Variants in HHAT observed in about 807,000 individuals in gnomAD.
HHAT encodes the protein hedgehog acyltransferase, also known as protein-cysteine N-palmitoyltransferase HHAT.
Under a neutral mutation model 70.8 loss-of-function variants are expected in HHAT, and 47 were observed. The ratio of observed to expected loss-of-function variants is 0.66; its 90% CI spans 0.53 to 0.85. The LOEUF (loss-of-function observed/expected upper bound fraction) is 0.85, where lower values mean the gene tolerates loss of function less well. Among genes scored for constraint, HHAT ranks in the 40% least tolerant of loss-of-function variants. The pLI is 0.00. For synonymous variants in HHAT, 228 were observed against 247.6 expected, an observed-to-expected ratio of 0.92 and a Z score of 0.74; for missense variants, 609 against 604.8, an observed-to-expected ratio of 1.01 and a Z score of -0.07.
intron 5 of HHAT, among the ~76,000 whole-genome samples, chr1:210,403,942 T>G (rs1034084013): frequency 2.1e-4 from 32 of 152,186 alleles, no homozygotes; most frequent in Admixed American, 6.5e-4. Context: ...TTTTTTTTTT[T>G]TTTTTTAAAT....
intron 9 of HHAT, among the ~76,000 whole-genome samples, chr1:210,543,160 T>TA (rs1326201173): frequency 3.9e-5 from 6 of 152,156 alleles, no homozygotes; most frequent in African/African-American, 1.4e-4. Flanking sequence ...GAATAGCCTT[T>TA]AAAAAAGCAG....
intron 3 of HHAT, among the ~76,000 whole-genome samples, chr1:210,380,515 G>A (rs1374522806): frequency 6.6e-6 from 1 of 152,064 alleles, no homozygotes. Context: ...ACTCCAGCCT[G>A]GGCGACAGAG....
chr1:210,544,939 C>T (rs2095470009), intron 9 of HHAT, among the ~76,000 whole-genome samples: 1 of 152,152 alleles, frequency 6.6e-6, no homozygotes, highest in African/African-American at 2.4e-5. Flanking sequence ...ATACCTATGT[C>T]TCCCAAATGT....
intron 9 of HHAT, among the ~76,000 whole-genome samples, chr1:210,543,004 C>A (rs2095445996): frequency 6.6e-6 from 1 of 152,058 alleles, no homozygotes; most frequent in Admixed American, 6.5e-5. Flanking sequence ...CACAGACAGG[C>A]ATCATGGGGA....
At chr1:210,633,892 C>A (rs1671360610) in intron 11 of HHAT, among the ~76,000 whole-genome samples, 1 of 152,130 alleles carries the variant, frequency 6.6e-6, no homozygotes, top group South Asian at 2.1e-4. Flanking sequence ...TTGTAGCGTG[C>A]CAGCTGCTGA....
intron 7 of HHAT, among the ~76,000 whole-genome samples, chr1:210,449,164 G>T (rs968171388): frequency 6.6e-6 from 1 of 152,072 alleles, no homozygotes; most frequent in Admixed American, 6.5e-5. Context: ...GACCTCCCGG[G>T]TCCCTCTGCC....
At chr1:210,412,102 T>C (rs1417281571) in intron 6 of HHAT, among the ~76,000 whole-genome samples, 1 of 152,158 alleles carries the variant, frequency 6.6e-6, no homozygotes, top group Non-Finnish European at 1.5e-5. Context: ...GGTCTAACTC[T>C]TTGGCGTCTC....
In HHAT at chr1:210,328,997, C is replaced by G; in HGVS notation, c.-151C>G. ...AAGAGGGTGGCGTCCCGGGGAAGCC[C>G]GCAGCCGCCGCCGATGTCGCTGGGA... On this transcript the variant is annotated 5_prime_UTR_variant, in exon 1 of 12. Transcript: ENST00000261458. 7.3e-7 allele frequency: 1 copy of G among 1,372,988 alleles called. No individual in the cohort carries two copies. Among genetic ancestry groups the G allele is most frequent in the Non-Finnish European group, 9.4e-7 (1 of 1,061,790 alleles). 85.1% of individuals were successfully genotyped at this position (1,372,988 alleles called of 1,614,324 possible). A position where few individuals can be genotyped will look rare whatever the true frequency, so the allele number is the denominator to read the frequency against.
At chr1:210,423,637 T>C (rs1319648447) in intron 7 of HHAT, among the ~76,000 whole-genome samples, 2 of 152,188 alleles carry the variant, frequency 1.3e-5, no homozygotes, top group Non-Finnish European at 2.9e-5. Flanking sequence ...CCCTGACCAA[T>C]GTCCTGACGG....
intron 11 of HHAT, among the ~76,000 whole-genome samples, chr1:210,660,816 A>G (rs1438140173): frequency 1.3e-5 from 2 of 152,238 alleles, no homozygotes; most frequent in African/African-American, 4.8e-5. Flanking sequence ...ATATAGGGAA[A>G]GGATTCCCTA....
chr1:210,563,493 C>T (rs17016468), intron 9 of HHAT, among the ~76,000 whole-genome samples: 8,354 of 151,998 alleles, frequency 0.055, 719 homozygotes, highest in African/African-American at 0.18. Flanking sequence ...TTCAACATTG[C>T]GGTGGAGTGA....
chr1:210,522,072 G>A (rs11119525), intron 9 of HHAT, among the ~76,000 whole-genome samples: 11,772 of 152,252 alleles, frequency 0.077, 1,191 homozygotes, highest in East Asian at 0.32. Context: ...TATTTTGTAA[G>A]TGTAACATAA....
intron 2 of HHAT, among the ~76,000 whole-genome samples, chr1:210,356,357 G>A (rs995167310): frequency 6.6e-6 from 1 of 151,722 alleles, no homozygotes; most frequent in Non-Finnish European, 1.5e-5. Flanking sequence ...TGTGCTTCCC[G>A]TTGATTTGCG....
At chr1:210,458,807 G>C (rs1448809748) in intron 7 of HHAT, among the ~76,000 whole-genome samples, 2 of 152,106 alleles carry the variant, frequency 1.3e-5, no homozygotes, top group African/African-American at 4.8e-5. Flanking sequence ...AGAGGAGGGT[G>C]ATCAGCCACA....
At chr1:210,335,513 A>T (rs912505752) in intron 1 of HHAT, among the ~76,000 whole-genome samples, 1 of 152,200 alleles carries the variant, frequency 6.6e-6, no homozygotes, top group Non-Finnish European at 1.5e-5. Context: ...CTTAAGAGCA[A>T]AACTGGAGGA....
chr1:210,419,449 A>T (rs1333795735), intron 7 of HHAT, among the ~76,000 whole-genome samples: 1 of 151,960 alleles, frequency 6.6e-6, no homozygotes, highest in Non-Finnish European at 1.5e-5. Flanking sequence ...AAATCTCTTC[A>T]CTTCCTTGTT....
At chr1:210,558,262 C>T (rs779506669) in intron 9 of HHAT, among the ~76,000 whole-genome samples, 4 of 152,216 alleles carry the variant, frequency 2.6e-5, no homozygotes, top group Non-Finnish European at 4.4e-5. Context: ...CTAGTGGTCT[C>T]AGTGTCCCTC....
intron 8 of HHAT, among the ~76,000 whole-genome samples, chr1:210,512,784 G>C (rs1473712463): frequency 1.3e-5 from 2 of 151,812 alleles, no homozygotes; most frequent in Non-Finnish European, 2.9e-5. Flanking sequence ...TATTGGAAAA[G>C]TGGAAGGTAC....
chr1:210,620,333 G>A (rs1397017237), intron 10 of HHAT, among the ~76,000 whole-genome samples: 1 of 152,174 alleles, frequency 6.6e-6, no homozygotes, highest in Admixed American at 6.5e-5. Flanking sequence ...AAGGTGGAGA[G>A]AGAGATCCCT....
Sources: gnomAD v4.1 joint callset for allele counts (sites outside exome capture counted in the v4.1 genomes callset) on GRCh38, gnomAD v4.1.1 for gene constraint, MANE v1.5 for transcripts, NCBI Gene and HGNC (gene_info 2026-07-23, HGNC 2026-07-21) for gene names.